Variants in SATL1 observed in about 807,000 individuals in gnomAD.
SATL1 encodes spermidine/spermine N1-acetyl transferase like 1.
SATL1 carries 47 observed loss-of-function variants against 51.8 expected under a neutral mutation model. The observed-to-expected ratio is 0.91, with a 90% CI of 0.72 to 1.16. SATL1 has a LOEUF of 1.16. SATL1 is among the 50% of genes most tolerant of loss of function. SATL1 has a pLI of 0.00. For synonymous variants in SATL1, 176 were observed against 182.4 expected (o/e 0.97, Z 0.28); for missense variants, 520 against 526.4 (o/e 0.99, Z 0.12).
chrX:85,096,342 C>G (rs1321330955), intron 4 of SATL1, among the ~76,000 whole-genome samples: 2 of 110,091 alleles, frequency 1.8e-5, no homozygotes, highest in Non-Finnish European at 3.8e-5. Flanking sequence ...TGAAACTAGG[C>G]CAGGTGAAAT....
intron 2 of SATL1, among the ~76,000 whole-genome samples, chrX:85,184,115 T>C (rs944740783): frequency 8.9e-6 from 1 of 111,985 alleles, no homozygotes; most frequent in Non-Finnish European, 1.9e-5. Context: ...GATGACAGTA[T>C]CTCATTCTTT....
intron 1 of SATL1, among the ~76,000 whole-genome samples, chrX:85,229,083 C>A (rs1928330238): frequency 9.0e-6 from 1 of 111,428 alleles, no homozygotes; most frequent in South Asian, 3.8e-4. Flanking sequence ...ACTCCACATC[C>A]AATCTACCAG....
At chrX:85,150,935 T>C (rs1926414016) in intron 2 of SATL1, among the ~76,000 whole-genome samples, 1 of 111,152 alleles carries the variant, frequency 9.0e-6, no homozygotes, top group South Asian at 3.9e-4. Flanking sequence ...TCACCGCTCC[T>C]ATTCAACACA....
intron 2 of SATL1, among the ~76,000 whole-genome samples, chrX:85,146,329 A>G (rs750547503): frequency 1.8e-5 from 2 of 111,952 alleles, no homozygotes; most frequent in East Asian, 2.8e-4. Flanking sequence ...AATAATTAAG[A>G]GTATAATTAG....
chrX:85,147,753 G>A (rs1926297259), intron 2 of SATL1, among the ~76,000 whole-genome samples: 1 of 112,259 alleles, frequency 8.9e-6, no homozygotes, highest in African/African-American at 3.2e-5. Flanking sequence ...CAGACCTGCA[G>A]CTGAGGGTCC....
rs200499692 is a variant in SATL1, at chrX:85,108,260, A to G, written c.709T>C (p.Cys237Arg). ...GIRQPDTSQS[C>R]KNQTDMSQPD... ...TGGCTCATGTCTGTTTGGTTCTTACATGATTGGCTAGTGTCTGGTTGCCTT... is the reference window on the plus strand; with the variant it reads ...TGGCTCATGTCTGTTTGGTTCTTACGTGATTGGCTAGTGTCTGGTTGCCTT... Residue 237 changes from cysteine (C) to arginine (R), a missense_variant, in exon 3 of 8, where the codon TGT becomes CGT. Cys to Arg is a radical substitution (Grantham distance 180). This residue lies in a region of SATL1 where 488 missense variants were observed against 474.3 expected (regional missense o/e 1.03). Transcript: ENST00000644105. 3.3e-6 allele frequency: 4 copies of G among 1,208,753 alleles called. No individual in the cohort carries two copies. Among genetic ancestry groups the G allele is most frequent in the East Asian group, 3.0e-5 (1 of 33,673 alleles).
chrX:85,188,971 A>T (rs1353150961), intron 2 of SATL1, among the ~76,000 whole-genome samples: 1 of 111,940 alleles, frequency 8.9e-6, no homozygotes, highest in East Asian at 2.8e-4. Flanking sequence ...ATATTCTTGG[A>T]TTTTGTATTT....
intron 2 of SATL1, among the ~76,000 whole-genome samples, chrX:85,220,442 T>C (rs1427102116): frequency 9.3e-6 from 1 of 107,627 alleles, no homozygotes; most frequent in Non-Finnish European, 1.9e-5. Context: ...AGTGCTGGCA[T>C]CATCCCTCCC....
intron 2 of SATL1, among the ~76,000 whole-genome samples, chrX:85,158,530 C>G (rs1238723890): frequency 8.9e-6 from 1 of 111,835 alleles, no homozygotes; most frequent in Non-Finnish European, 1.9e-5. Flanking sequence ...ATTTATCTAC[C>G]TTTAAAACAA....
intron 2 of SATL1, among the ~76,000 whole-genome samples, chrX:85,112,890 C>G (rs905210666): frequency 4.5e-5 from 5 of 111,834 alleles, no homozygotes; most frequent in African/African-American, 1.6e-4. Context: ...GAGGGCTCTC[C>G]TGCCCTGCTC....
At chrX:85,148,969 T>TAA (rs1341124132) in intron 2 of SATL1, among the ~76,000 whole-genome samples, 6 of 110,449 alleles carry the variant, frequency 5.4e-5, no homozygotes, top group Non-Finnish European at 1.1e-4. Context: ...ATAACAATAT[T>TAA]AACTTTAAAT....
At chrX:85,202,795 C>G (rs1054775948) in intron 2 of SATL1, among the ~76,000 whole-genome samples, 3 of 111,757 alleles carry the variant, frequency 2.7e-5, no homozygotes, top group Non-Finnish European at 5.6e-5. Context: ...GGCCTCCTCT[C>G]CTTGGGTCAA....
chrX:85,174,485 G>C (rs763427583), intron 2 of SATL1, among the ~76,000 whole-genome samples: 4 of 109,706 alleles, frequency 3.6e-5, no homozygotes, highest in Admixed American at 9.8e-5. Context: ...ACCACACCTG[G>C]CTAATTTTTG....
intron 2 of SATL1, among the ~76,000 whole-genome samples, chrX:85,114,429 G>T (rs376470369): frequency 1.8e-5 from 2 of 111,443 alleles, no homozygotes; most frequent in East Asian, 5.7e-4. Context: ...AGTTCTGAAA[G>T]CGTTTTCCTC....
chrX:85,172,094 A>G (rs888452299), intron 2 of SATL1, among the ~76,000 whole-genome samples: 1 of 111,469 alleles, frequency 9.0e-6, no homozygotes, highest in Non-Finnish European at 1.9e-5. Context: ...TCAACCAATT[A>G]TCTTATATCT....
At chrX:85,204,194 G>A (rs1927744017) in intron 2 of SATL1, among the ~76,000 whole-genome samples, 1 of 111,649 alleles carries the variant, frequency 9.0e-6, no homozygotes, top group South Asian at 3.8e-4. Flanking sequence ...CCCTCAGTGG[G>A]GGAGGATCCC....
intron 1 of SATL1, among the ~76,000 whole-genome samples, chrX:85,231,625 C>T (rs1032961988): frequency 3.6e-5 from 4 of 112,144 alleles, no homozygotes; most frequent in Non-Finnish European, 7.5e-5. Flanking sequence ...AACTTGTGTG[C>T]TTGGGGGAGG....
intron 2 of SATL1, 78 bp downstream of exon 2, chrX:85,224,127 G>A (rs1470416302): frequency 1.8e-5 from 2 of 111,538 alleles, no homozygotes; most frequent in African/African-American, 6.5e-5. Context: ...CACGGTTCTG[G>A]AGGCCAGAAG....
chrX:85,153,014 G>C (rs1341341754), intron 2 of SATL1, among the ~76,000 whole-genome samples: 1 of 109,084 alleles, frequency 9.2e-6, no homozygotes, highest in Admixed American at 9.8e-5. Context: ...AAAATACATC[G>C]ACATTTCTAT....
Sources: gnomAD v4.1 joint callset for allele counts (sites outside exome capture counted in the v4.1 genomes callset) on GRCh38, gnomAD v4.1.1 for gene constraint, gnomAD v4.1.1 regional missense constraint, MANE v1.5 for transcripts, NCBI Gene and HGNC (gene_info 2026-07-23, HGNC 2026-07-21) for gene names.